ACIN1: variants seen among roughly 807,000 people sequenced by gnomAD.
The protein encoded by ACIN1 is apoptotic chromatin condensation inducer in the nucleus.
Under a neutral mutation model 146.6 loss-of-function variants are expected in ACIN1, and 16 were observed. That is an observed-to-expected ratio of 0.11 (90% CI 0.07 to 0.17). The LOEUF (loss-of-function observed/expected upper bound fraction) is 0.17, where lower values mean the gene tolerates loss of function less well. Among genes scored for constraint, ACIN1 ranks in the 10% least tolerant of loss-of-function variants. The pLI is 1.00. For synonymous variants in ACIN1, 569 were observed against 582.7 expected (o/e 0.98, Z 0.34); for missense variants, 1,357 against 1,609.3 (o/e 0.84, Z 2.68).
At chr14:23,094,609 C>G in intron 1 of ACIN1, 1 of 895,202 alleles carries the variant, frequency 1.1e-6, no homozygotes, top group South Asian at 5.2e-5. Flanking sequence ...CCCAGCCCAA[C>G]TCGCCCCCCT....
At position 23,090,014 on chromosome 14, in the gene ACIN1, C is replaced by T. The variant is rs938325437; in HGVS notation, c.404G>A (p.Arg135Lys). ...LPPDFQSSLE[R>K]PELELSRHSP... Reference sequence around the variant, plus strand: ...ATGTCTGCTGAGCTCCAGCTCTGGTCTCTCCAGGCTGCTCTGAAAGTCAGG... The same window carrying T: ...ATGTCTGCTGAGCTCCAGCTCTGGTTTCTCCAGGCTGCTCTGAAAGTCAGG... Residue 135 changes from arginine (R) to lysine (K), a missense_variant, in exon 4 of 19, where the codon AGA becomes AAA. Transcript: ENST00000605057. 19 of 1,613,114 alleles carry T rather than the reference C, an allele frequency of 1.2e-5. No individual in the cohort carries two copies. The highest frequency in any genetic ancestry group is 1.7e-5 in the Admixed American group (1 of 59,896).
At chr14:23,094,016 GATTTATCAA>G (rs139669517) in intron 1 of ACIN1, among the ~76,000 whole-genome samples, 42,277 of 151,716 alleles carry the variant, frequency 0.28, 6,094 homozygotes, top group South Asian at 0.4. Flanking sequence ...GTGGCACCTA[GATTTATCAA>G]ATTTATAAAA....
Position 23,067,255 on chromosome 14 carries a change from G to A in ACIN1, c.2266-1247C>T, listed in dbSNP as rs1461049550. 10 of 945,080 alleles carry A rather than the reference G, an allele frequency of 1.1e-5. No homozygotes were observed. Among genetic ancestry groups the A allele is most frequent in the Non-Finnish European group, 1.3e-5 (10 of 793,438 alleles). 58.5% of individuals were successfully genotyped at this position (945,080 alleles called of 1,614,324 possible). A position where few individuals can be genotyped will look rare whatever the true frequency, so the allele number is the denominator to read the frequency against. ...AAATAAAATATTAAAAAAAGAAGAA[G>A]AAAATAAAGAAGAAAATAAACTAGG... On this transcript the variant is annotated intron_variant, in intron 9 of 18. Transcript: ENST00000605057. The surrounding 1 kb of genome is among the most constrained non-coding windows in gnomAD (Gnocchi z 4.6).
rs1365889609 is a variant in ACIN1 at position 23,080,310 on chromosome 14, G to A, written c.1025C>T (p.Ser342Leu). Residue 342 changes from serine (S) to leucine (L), a missense_variant, in exon 6 of 19, where the codon TCA (serine) becomes TTA (leucine). Physicochemically the swap from Ser to Leu is moderately radical, Grantham distance 145 (BLOSUM62 -2). This residue lies in a region of ACIN1 where 771 missense variants were observed against 746.6 expected (regional missense o/e 1.03). Transcript: ENST00000605057. ...AGTTTGCTCTGGCAGCGCTACAAGT[G>A]AGGCCTTCTTTCGATCTTCAGTCAG... ...PRLTEDRKKA[S>L]LVALPEQTAS... is the part of the protein sequence containing the mutation. The A allele has an allele frequency of 6.2e-7, 1 of 1,614,204 alleles. No homozygotes were observed. The highest frequency in any genetic ancestry group is 8.5e-7 in the Non-Finnish European group (1 of 1,180,032).
rs866693042 is a variant in ACIN1, at chr14:23,071,334, G to A, written c.2124-1717C>T. 1.0e-4 allele frequency: 154 copies of A among 1,513,750 alleles called. No individual in the cohort carries two copies. In the African/African-American group the frequency reaches 1.2e-3, roughly 12 times the overall value. 93.8% of individuals were successfully genotyped at this position (1,513,750 alleles called of 1,614,324 possible). ...AGAAAATTGAGATGTAGCAACCGGG[G>A]ATCCAAAAAATGGTAAATGGAAGGG... is the stretch of plus-strand genomic sequence containing the variant. On this transcript the variant is annotated intron_variant, in intron 8 of 18. Coordinates refer to ENST00000605057, the MANE Select transcript of ACIN1 (RefSeq NM_001386863.1).
At chr14:23,061,246 G>A (rs1400851848) in intron 17 of ACIN1, 52 bp downstream of exon 17, 1 of 1,613,438 alleles carries the variant, frequency 6.2e-7, no homozygotes, top group African/African-American at 1.3e-5. Flanking sequence ...TCCCATCTGG[G>A]TCCCTTTCCC....
At chr14:23,070,530 G>T (rs1033463209) in intron 8 of ACIN1, among the ~76,000 whole-genome samples, 2 of 151,804 alleles carry the variant, frequency 1.3e-5, no homozygotes, top group African/African-American at 4.8e-5. Context: ...TCACAAGTTA[G>T]CTCCCATTTC....
chr14:23,062,112 T>C (rs1013088082), intron 16 of ACIN1, 56 bp downstream of exon 16: 74 of 1,409,830 alleles, frequency 5.2e-5, no homozygotes, highest in Non-Finnish European at 7.0e-5. Flanking sequence ...AGCTGAAATC[T>C]AGCAGATAAT....
chr14:23,072,969 G>A (rs1418760791), intron 8 of ACIN1, among the ~76,000 whole-genome samples: 1 of 152,234 alleles, frequency 6.6e-6, no homozygotes, highest in Admixed American at 6.5e-5. Flanking sequence ...TCATGGAACA[G>A]TGTAGTTAAG....
chr14:23,070,133 C>A (rs1174701151), intron 8 of ACIN1, among the ~76,000 whole-genome samples: 2 of 139,958 alleles, frequency 1.4e-5, no homozygotes, highest in African/African-American at 2.7e-5. Context: ...GTTTAATCAA[C>A]TGCTTAATAA....
chr14:23,061,015 G>T, intron 18 of ACIN1, 69 bp downstream of exon 18: 2 of 1,446,240 alleles, frequency 1.4e-6, no homozygotes, highest in African/African-American at 1.4e-5. Context: ...GCAGTCACAT[G>T]AATCTCCCCT....
rs2047493809 is a variant in ACIN1, at chr14:23,067,472, C to CT, written c.2266-1465dup. 1 of 977,002 alleles carries CT rather than the reference C, an allele frequency of 1.0e-6. No homozygotes were observed. The highest frequency in any genetic ancestry group is 1.2e-4 in the East Asian group (1 of 8,224). 60.5% of individuals were successfully genotyped at this position (977,002 alleles called of 1,614,324 possible). The stretch of plus-strand genomic sequence containing the variant: ...GCACGGCGTGGTAGTCAGCACGGCA[C>CT]TGCCAGAGTCCTCCCAGGGGCGCAG... On this transcript the variant is annotated intron_variant, in intron 9 of 18. Coordinates refer to ENST00000605057, the MANE Select transcript of ACIN1 (RefSeq NM_001386863.1). This position sits in a 1 kb window ranked among gnomAD's most constrained non-coding sequence, Gnocchi z 4.6.
intron 8 of ACIN1, chr14:23,071,589 T>TGGGGGAGGGCCTTGCTGCAGC: frequency 6.5e-7 from 1 of 1,536,958 alleles, no homozygotes; most frequent in Non-Finnish European, 8.8e-7. Context: ...TGTGTGCGGA[T>TGGGGGAGGGCCTTGCTGCAGC]GGGGGAGGGC....
rs199828407 is a variant in ACIN1 at position 23,067,139 on chromosome 14, CA to C, written c.2266-1132del. On this transcript the variant is annotated intron_variant, in intron 9 of 18. Coordinates refer to ENST00000605057, the MANE Select transcript of ACIN1 (RefSeq NM_001386863.1). The surrounding 1 kb of genome is among the most constrained non-coding windows in gnomAD (Gnocchi z 4.6). ...GGGTAAGTTAGTGAGAAAAACAAAA[CA>C]AAAAAAAAGGTCTTAATTAAAACAG... 2.6e-4 allele frequency among the ~76,000 whole-genome samples: 33 copies of C among 125,796 alleles called. No homozygotes were observed. Among genetic ancestry groups the C allele is most frequent in the Non-Finnish European group, 4.7e-4 (27 of 57,630 alleles). The allele number at this position is 125,796 out of a possible 152,430, so 82.5% of individuals were successfully genotyped here.
At chr14:23,086,770 T>C (rs945583194) in intron 4 of ACIN1, among the ~76,000 whole-genome samples, 2 of 152,204 alleles carry the variant, frequency 1.3e-5, no homozygotes, top group Admixed American at 6.5e-5. Context: ...ACACCACACC[T>C]GGACAAACCA....
At chr14:23,061,957 G>A (rs1262345769) in intron 16 of ACIN1, among the ~76,000 whole-genome samples, 1 of 127,422 alleles carries the variant, frequency 7.8e-6, no homozygotes, top group Non-Finnish European at 1.6e-5. Context: ...CTGGGAGACA[G>A]CGAGACTCTG....
At position 23,062,913 on chromosome 14, in the gene ACIN1, A is replaced by C; in HGVS notation, c.2883+16T>G. On this transcript the variant is annotated intron_variant, in intron 14 of 18. Transcript: ENST00000605057. ...AACCACTAAGCAAGCTGGGATGGTGAGAAACAATGACTTACCAAATTGGAG... is the reference window on the plus strand; with the variant it reads ...AACCACTAAGCAAGCTGGGATGGTGCGAAACAATGACTTACCAAATTGGAG... 6.3e-7 allele frequency: 1 copy of C among 1,595,288 alleles called. No homozygotes were observed. The highest frequency in any genetic ancestry group is 8.5e-7 in the Non-Finnish European group (1 of 1,171,278).
At chr14:23,059,623 T>G in intron 18 of ACIN1, 149 bp from the exon 19 acceptor site, 1 of 650,126 alleles carries the variant, frequency 1.5e-6, no homozygotes, top group South Asian at 1.9e-5. Flanking sequence ...CTGTCTTTCT[T>G]AGAGCACCTC....
At position 23,063,404 on chromosome 14, in the gene ACIN1, G is replaced by A. The variant is rs202088082; in HGVS notation, c.2737+32C>T. The A allele has an allele frequency of 6.6e-5, 106 of 1,604,218 alleles. No individual in the cohort carries two copies. In the Middle Eastern group the frequency reaches 1.3e-3, roughly 20 times the overall value. On this transcript the variant is annotated intron_variant, in intron 13 of 18. Transcript: ENST00000605057. Reference sequence around the variant, plus strand: ...AGGTGCTCTGAGAATTCAGGGAGCCGCATTACATTTCTCTCACAATATGTC... The same window carrying A: ...AGGTGCTCTGAGAATTCAGGGAGCCACATTACATTTCTCTCACAATATGTC...
Sources: allele counts gnomAD v4.1 joint callset (sites outside exome capture counted in the v4.1 genomes callset), GRCh38; gene constraint gnomAD v4.1.1; regional missense constraint gnomAD v4.1.1; non-coding constraint Gnocchi (gnomAD v3.1); transcripts MANE v1.5; gene names NCBI Gene and HGNC (gene_info 2026-07-23, HGNC 2026-07-21).